The following CCSER2 variants were observed in gnomAD, a reference collection of about 807,000 sequenced individuals.
CCSER2 encodes the protein coiled-coil serine rich protein 2.
A neutral mutation model predicts 92.3 loss-of-function variants in CCSER2; 46 were observed. That is an observed-to-expected ratio of 0.50 (90% CI 0.39 to 0.64). CCSER2 has a LOEUF of 0.64. CCSER2 is among the 30% of genes least tolerant of loss of function. CCSER2 has a pLI of 0.00. For synonymous variants in CCSER2, 433 were observed against 431.4 expected (o/e 1.00, Z -0.04); for missense variants, 1,244 against 1,238.9 (o/e 1.00, Z -0.06).
At chr10:84,407,056 G>A (rs761064292) in intron 3 of CCSER2, among the ~76,000 whole-genome samples, 5 of 152,092 alleles carry the variant, frequency 3.3e-5, no homozygotes, top group African/African-American at 4.8e-5. Flanking sequence ...CTTACTCTAC[G>A]GTGTTTTGTC....
Position 84,424,301 on chromosome 10 carries a change from G to A in CCSER2, c.1706-1430G>A, listed in dbSNP as rs372691328. ...GAACTTAAAAAAAAAAAAAAACTTG[G>A]TTTATTCCTGTAAGATGACAACAAA... On this transcript the variant is annotated intron_variant, in intron 4 of 9. Coordinates refer to ENST00000372088, the MANE Select transcript of CCSER2 (RefSeq NM_001284240.2). Among the ~76,000 whole-genome samples the A allele has an allele frequency of 4.7e-5, 7 of 150,112 alleles. No homozygotes were observed. In the South Asian group the frequency reaches 8.4e-4, roughly 18 times the overall value.
At chr10:84,474,076 TA>T (rs1427743755) in intron 8 of CCSER2, among the ~76,000 whole-genome samples, 2 of 152,200 alleles carry the variant, frequency 1.3e-5, no homozygotes. Context: ...CAAACCTTAC[TA>T]AAAAATGCTA....
chr10:84,494,808 T>C (rs1353837292), intron 9 of CCSER2, among the ~76,000 whole-genome samples: 1 of 152,162 alleles, frequency 6.6e-6, no homozygotes, highest in East Asian at 1.9e-4. Flanking sequence ...CTGTTCATGG[T>C]TCGTTATGGA....
Position 84,488,120 on chromosome 10 carries a change from T to C in CCSER2, c.2325+10456T>C, listed in dbSNP as rs2133789069. On this transcript the variant is annotated intron_variant, in intron 9 of 9. Coordinates refer to ENST00000372088, the MANE Select transcript of CCSER2 (RefSeq NM_001284240.2). ...TGATCATGGTGGATAAGCTTTTTGA[T>C]GTGCTGCTGTATTTGGTTTGCCAGT... Among the ~76,000 whole-genome samples, 3 of 152,330 alleles carry C rather than the reference T, an allele frequency of 2.0e-5. No homozygotes were observed. In the South Asian group the frequency reaches 6.2e-4, roughly 32 times the overall value.
At chr10:84,338,131 T>A (rs554299346) in intron 1 of CCSER2, among the ~76,000 whole-genome samples, 23 of 151,810 alleles carry the variant, frequency 1.5e-4, no homozygotes, top group Non-Finnish European at 2.6e-4. Flanking sequence ...AATACAGAAT[T>A]AGCCGGGCAT....
intron 9 of CCSER2, among the ~76,000 whole-genome samples, chr10:84,482,501 G>T (rs1045713412): frequency 6.6e-6 from 1 of 152,082 alleles, no homozygotes; most frequent in South Asian, 2.1e-4. Flanking sequence ...CATTATCTTG[G>T]ACTGAATTTA....
At chr10:84,406,773 A>G (rs947694772) in intron 3 of CCSER2, among the ~76,000 whole-genome samples, 12 of 152,222 alleles carry the variant, frequency 7.9e-5, no homozygotes, top group Admixed American at 1.3e-4. Context: ...CAAACAGGGA[A>G]TAGAAACTCT....
Position 84,392,669 on chromosome 10 carries a change from C to T in CCSER2, c.1614+18854C>T, listed in dbSNP as rs1376448487. Reference sequence around the variant, plus strand: ...TTCTTGGAAGTTACAATTTAAGGTACCCCAAAAAAGTTGGAAATAGAACAA... The same window carrying T: ...TTCTTGGAAGTTACAATTTAAGGTATCCCAAAAAAGTTGGAAATAGAACAA... On this transcript the variant is annotated intron_variant, in intron 3 of 9. Transcript: ENST00000372088. Among the ~76,000 whole-genome samples, 5 of 151,630 alleles carry T rather than the reference C, an allele frequency of 3.3e-5. No individual in the cohort carries two copies. In the South Asian group the frequency reaches 8.3e-4, roughly 25 times the overall value.
chr10:84,335,933 G>T (rs1843812905), intron 1 of CCSER2, among the ~76,000 whole-genome samples: 2 of 152,270 alleles, frequency 1.3e-5, no homozygotes, highest in South Asian at 4.1e-4. Flanking sequence ...GAGTTGGTAG[G>T]CCACTTTATA....
intron 1 of CCSER2, among the ~76,000 whole-genome samples, chr10:84,355,840 C>T (rs1564592983): frequency 1.3e-5 from 2 of 152,264 alleles, no homozygotes; most frequent in South Asian, 2.1e-4. Context: ...CTGTGGCTCA[C>T]GCCTGTAATC....
At chr10:84,431,585 C>A (rs965492054) in intron 5 of CCSER2, among the ~76,000 whole-genome samples, 3 of 151,750 alleles carry the variant, frequency 2.0e-5, no homozygotes, top group African/African-American at 2.4e-5. Flanking sequence ...ACAAAAAAAT[C>A]AAAAAAATTA....
chr10:84,469,830 A>G (rs1319337979), intron 7 of CCSER2, among the ~76,000 whole-genome samples: 1 of 152,042 alleles, frequency 6.6e-6, no homozygotes, highest in African/African-American at 2.4e-5. Flanking sequence ...GCTCATGGTC[A>G]AAGAATCTTC....
intron 4 of CCSER2, among the ~76,000 whole-genome samples, chr10:84,422,519 C>T (rs1325394084): frequency 1.3e-5 from 2 of 152,134 alleles, no homozygotes; most frequent in Non-Finnish European, 2.9e-5. Context: ...ATGCTAAAGA[C>T]TTCCTTCAGA....
intron 6 of CCSER2, among the ~76,000 whole-genome samples, chr10:84,446,104 T>C (rs181816225): frequency 2.6e-5 from 4 of 152,332 alleles, no homozygotes; most frequent in Admixed American, 2.0e-4. Flanking sequence ...TTTGCTCTTA[T>C]CATATCACAG....
intron 8 of CCSER2, among the ~76,000 whole-genome samples, chr10:84,472,203 C>G (rs953495756): frequency 1.3e-5 from 2 of 152,004 alleles, no homozygotes; most frequent in African/African-American, 4.8e-5. Context: ...GGATCTAAAG[C>G]AAAATCCAGT....
At chr10:84,329,180 T>A (rs1843421727) in intron 1 of CCSER2, among the ~76,000 whole-genome samples, 1 of 151,654 alleles carries the variant, frequency 6.6e-6, no homozygotes, top group Non-Finnish European at 1.5e-5. Flanking sequence ...TGAGTTCGAT[T>A]TTTTTTTTCT....
At chr10:84,421,720 T>C (rs1843159463) in intron 4 of CCSER2, among the ~76,000 whole-genome samples, 1 of 152,134 alleles carries the variant, frequency 6.6e-6, no homozygotes, top group South Asian at 2.1e-4. Context: ...CTGACACACC[T>C]ATAACAAAAG....
At chr10:84,418,502 G>C (rs1382276420) in intron 4 of CCSER2, among the ~76,000 whole-genome samples, 1 of 152,176 alleles carries the variant, frequency 6.6e-6, no homozygotes, top group Non-Finnish European at 1.5e-5. Flanking sequence ...TTGAAATGGG[G>C]ATACTCCTGG....
intron 3 of CCSER2, among the ~76,000 whole-genome samples, chr10:84,374,311 A>G (rs1431819173): frequency 2.0e-5 from 3 of 151,544 alleles, no homozygotes; most frequent in Admixed American, 6.6e-5. Context: ...TGAAGTGCCA[A>G]CTCTCAGTGG....
Sources: gnomAD v4.1 joint callset for allele counts (sites outside exome capture counted in the v4.1 genomes callset) on GRCh38, gnomAD v4.1.1 for gene constraint, MANE v1.5 for transcripts, NCBI Gene and HGNC (gene_info 2026-07-23, HGNC 2026-07-21) for gene names.